The following MARCHF2 variants were observed in gnomAD, a reference collection of about 807,000 sequenced individuals.
MARCHF2 encodes membrane associated ring-CH-type finger 2, also known as E3 ubiquitin-protein ligase MARCHF2.
MARCHF2 carries 22 observed loss-of-function variants against 24.0 expected under a neutral mutation model. The ratio of observed to expected loss-of-function variants is 0.92; its 90% confidence interval spans 0.66 to 1.31. The LOEUF (loss-of-function observed/expected upper bound fraction) is 1.31, where lower values mean the gene tolerates loss of function less well. Among genes scored for constraint, MARCHF2 ranks in the 50% most tolerant of loss-of-function variants. MARCHF2 has a pLI of 0.00. For synonymous variants in MARCHF2, 154 were observed against 153.0 expected (o/e 1.01, Z -0.05); for missense variants, 301 against 335.3 (o/e 0.90, Z 0.80).
chr19:8,421,357 T>C (rs1967233375), intron 1 of MARCHF2, among the ~76,000 whole-genome samples: 1 of 150,460 alleles, frequency 6.6e-6, no homozygotes, highest in African/African-American at 2.4e-5. Context: ...AGCTTTTCTT[T>C]TTTTTTTACT....
rs537195390 is a variant in MARCHF2, at chr19:8,419,085, G to T, written c.-52-2704G>T. Among the ~76,000 whole-genome samples the T allele has an allele frequency of 2.9e-4, 44 of 152,228 alleles. No individual in the cohort carries two copies. In the East Asian group the frequency reaches 7.5e-3, roughly 26 times the overall value. On this transcript the variant is annotated intron_variant, in intron 1 of 4. Coordinates refer to ENST00000215555, the MANE Select transcript of MARCHF2 (RefSeq NM_001005415.2). Reference sequence around the variant, plus strand: ...TCAATGAAATTCTCTGCCGGGCCGGGTGCAGTGGCTCACACCTGTAATCCC... The same window carrying T: ...TCAATGAAATTCTCTGCCGGGCCGGTTGCAGTGGCTCACACCTGTAATCCC...
rs1050580104 is a variant in MARCHF2, at chr19:8,430,534, CAAA to C, written c.373-112_373-110del. ...TGGGCAACAGAGTGAGAATCTGTCT[CAAA>C]AAAAAAAAAAAGAAAGAAGGAAAGG... is the stretch of plus-strand genomic sequence containing the variant. On this transcript the variant is annotated intron_variant, in intron 3 of 4. Coordinates refer to ENST00000215555, the MANE Select transcript of MARCHF2 (RefSeq NM_001005415.2). This position sits in a 1 kb window ranked among gnomAD's most constrained non-coding sequence, Gnocchi z 4.4. 2.5e-4 allele frequency: 156 copies of C among 634,548 alleles called. No homozygotes were observed. The highest frequency in any genetic ancestry group is 3.3e-4 in the Non-Finnish European group (126 of 386,430). 39.3% of individuals were successfully genotyped at this position (634,548 alleles called of 1,614,324 possible).
In MARCHF2 at chr19:8,413,343, A is replaced by ACGGGCCGGGC. The variant is rs563792671; in HGVS notation, c.-120_-111dup. 4 of 151,148 alleles carry ACGGGCCGGGC rather than the reference A, an allele frequency of 2.6e-5. No homozygotes were observed. The highest frequency in any genetic ancestry group is 4.9e-5 in the African/African-American group (2 of 41,104). The allele number at this position is 151,148 out of a possible 1,614,324, so 9.4% of individuals were successfully genotyped here. Reference sequence around the variant, plus strand: ...GGCCGGAGCGGAGCTAGTGGCGCCGACGGGCCGGGCCGGGCCGGGACCGGG... The same window carrying ACGGGCCGGGC: ...GGCCGGAGCGGAGCTAGTGGCGCCGACGGGCCGGGCCGGGCCGGGCCGGGCCGGGACCGGG... On this transcript the variant is annotated 5_prime_UTR_variant, in exon 1 of 5. Transcript: ENST00000215555.
At position 8,426,624 on chromosome 19, in the gene MARCHF2, C is replaced by T; in HGVS notation, c.192C>T (p.Cys64=). The T allele has an allele frequency of 6.2e-7, 1 of 1,613,800 alleles. No homozygotes were observed. Among genetic ancestry groups the T allele is most frequent in the South Asian group, 1.1e-5 (1 of 91,058 alleles). Residue 64 remains cysteine, a synonymous_variant, in exon 3 of 5, where the codon TGC becomes TGT. Coordinates refer to ENST00000215555, the MANE Select transcript of MARCHF2 (RefSeq NM_001005415.2). ...ALDTPSDGPF[C]RICHEGANGE... Reference sequence around the variant, plus strand: ...CTGTGTCCAGTGATGGTCCTTTCTGCCGGATCTGCCATGAGGGAGCGAACG... The same window carrying T: ...CTGTGTCCAGTGATGGTCCTTTCTGTCGGATCTGCCATGAGGGAGCGAACG...
intron 2 of MARCHF2, among the ~76,000 whole-genome samples, chr19:8,422,667 A>T (rs1036702450): frequency 6.9e-6 from 1 of 144,298 alleles, no homozygotes; most frequent in African/African-American, 2.6e-5. Context: ...TGCTGGGATT[A>T]TAAGTGTGAG....
At chr19:8,425,089 T>G (rs952515860) in intron 2 of MARCHF2, among the ~76,000 whole-genome samples, 18 of 151,732 alleles carry the variant, frequency 1.2e-4, no homozygotes, top group African/African-American at 3.1e-4. Context: ...TAAAAAAAAT[T>G]TTGGGACCGG....
chr19:8,437,694 T>G (rs962625575), intron 4 of MARCHF2, among the ~76,000 whole-genome samples: 9 of 151,170 alleles, frequency 6.0e-5, no homozygotes, highest in Non-Finnish European at 1.2e-4. Context: ...AACTTTTTTT[T>G]TTTGTTTGCA....
At chr19:8,418,180 G>C (rs1220051772) in intron 1 of MARCHF2, among the ~76,000 whole-genome samples, 3 of 152,176 alleles carry the variant, frequency 2.0e-5, no homozygotes, top group East Asian at 1.9e-4. Context: ...TTCCCCTTTG[G>C]CCTCTGAGCT....
At chr19:8,424,410 G>A (rs1967339848) in intron 2 of MARCHF2, among the ~76,000 whole-genome samples, 1 of 152,164 alleles carries the variant, frequency 6.6e-6, no homozygotes, top group Non-Finnish European at 1.5e-5. Flanking sequence ...GCTCACGCCT[G>A]TAATCCCAGC....
chr19:8,437,783 C>T (rs1330543008), intron 4 of MARCHF2, among the ~76,000 whole-genome samples: 2 of 150,900 alleles, frequency 1.3e-5, no homozygotes, highest in African/African-American at 2.4e-5. Flanking sequence ...CTCACTCTGT[C>T]GCCCAGGCTG....
intron 4 of MARCHF2, among the ~76,000 whole-genome samples, chr19:8,436,714 G>A (rs1189999541): frequency 4.2e-5 from 5 of 118,344 alleles, no homozygotes; most frequent in Admixed American, 3.5e-4. Flanking sequence ...GCAGAGTCTC[G>A]CTCTTTCACC....
chr19:8,438,007 C>T (rs1403119031), intron 4 of MARCHF2, among the ~76,000 whole-genome samples: 4 of 152,076 alleles, frequency 2.6e-5, no homozygotes, highest in African/African-American at 7.2e-5. Flanking sequence ...AAGTGATCTT[C>T]CCCCGTGCCC....
chr19:8,424,285 G>A (rs1326973337), intron 2 of MARCHF2, among the ~76,000 whole-genome samples: 1 of 152,116 alleles, frequency 6.6e-6, no homozygotes, highest in African/African-American at 2.4e-5. Flanking sequence ...GAGCAGGTGA[G>A]CACTTCTCTC....
chr19:8,416,919 A>G (rs1289247806), intron 1 of MARCHF2, among the ~76,000 whole-genome samples: 1 of 152,184 alleles, frequency 6.6e-6, no homozygotes, highest in Non-Finnish European at 1.5e-5. Context: ...TGAAGGAGAC[A>G]CTTATAACAA....
chr19:8,438,075 G>C lies in MARCHF2; in HGVS notation c.583-313G>C, dbSNP rs138727304. Among the ~76,000 whole-genome samples, 78 of 152,186 alleles carry C rather than the reference G, an allele frequency of 5.1e-4. No homozygotes were observed. The East Asian group carries it at 0.014, about 28-fold the overall frequency. ...GCCACCTCGCCCGGCCTGATTGATT[G>C]ACATTTAATGCCTTCCAAGAGGCTG... On this transcript the variant is annotated intron_variant, in intron 4 of 4. Coordinates refer to ENST00000215555, the MANE Select transcript of MARCHF2 (RefSeq NM_001005415.2).
intron 4 of MARCHF2, among the ~76,000 whole-genome samples, chr19:8,433,053 T>C (rs1345191009): frequency 6.6e-6 from 1 of 151,622 alleles, no homozygotes; most frequent in African/African-American, 2.4e-5. Context: ...ACCCCATCTC[T>C]AGAAAAAATA....
At position 8,430,364 on chromosome 19, in the gene MARCHF2, A is replaced by G. The variant is rs558215487; in HGVS notation, c.373-294A>G. On this transcript the variant is annotated intron_variant, in intron 3 of 4. Transcript: ENST00000215555. The surrounding 1 kb of genome is among the most constrained non-coding windows in gnomAD (Gnocchi z 4.4). ...GCTGACAGAGCGAGACTCTGTCTCAAAAAATATATATACATACAAAATTAG... is the reference window on the plus strand; with the variant it reads ...GCTGACAGAGCGAGACTCTGTCTCAGAAAATATATATACATACAAAATTAG... Among the ~76,000 whole-genome samples, 45 of 151,518 alleles carry G rather than the reference A, an allele frequency of 3.0e-4. No homozygotes were observed. The highest frequency in any genetic ancestry group is 1.3e-3 in the Admixed American group (20 of 15,194).
intron 4 of MARCHF2, 40 bp from the exon 5 acceptor site, chr19:8,438,348 G>C: frequency 6.2e-7 from 1 of 1,605,838 alleles, no homozygotes; most frequent in Non-Finnish European, 8.5e-7. Flanking sequence ...TTCCTCCCTT[G>C]CGGGTGGAGG....
intron 4 of MARCHF2, among the ~76,000 whole-genome samples, chr19:8,433,088 G>A (rs956389694): frequency 5.9e-5 from 9 of 151,978 alleles, no homozygotes; most frequent in Non-Finnish European, 1.2e-4. Context: ...CCGTGGTGGT[G>A]CGTGCCTGCA....
Sources: allele counts gnomAD v4.1 joint callset (sites outside exome capture counted in the v4.1 genomes callset), GRCh38; gene constraint gnomAD v4.1.1; non-coding constraint Gnocchi (gnomAD v3.1); transcripts MANE v1.5; gene names NCBI Gene and HGNC (gene_info 2026-07-23, HGNC 2026-07-21).